Variants in ITPR2 observed in about 807,000 individuals in gnomAD.
ITPR2 encodes inositol 1,4,5-trisphosphate-gated calcium channel ITPR2.
A neutral mutation model predicts 317.1 loss-of-function variants in ITPR2; 207 were observed. That is an observed-to-expected ratio of 0.65 (90% CI 0.58 to 0.73). ITPR2 has a LOEUF of 0.73. Ranked by LOEUF, ITPR2 falls within the 30% of genes least tolerant of loss-of-function variation. ITPR2 has a pLI of 0.00. For missense variants in ITPR2, 2,613 were observed against 3,284.0 expected (o/e 0.80, Z 4.99); for synonymous variants, 1,156 against 1,149.1 (o/e 1.01, Z -0.12).
intron 32 of ITPR2, among the ~76,000 whole-genome samples, chr12:26,584,718 A>AT (rs1945480279): frequency 6.6e-6 from 1 of 152,098 alleles, no homozygotes. Context: ...GAATTTCTAC[A>AT]TTTTTTTAAC....
intron 45 of ITPR2, among the ~76,000 whole-genome samples, chr12:26,452,437 A>G (rs1258230767): frequency 1.3e-5 from 2 of 152,228 alleles, no homozygotes; most frequent in Admixed American, 6.5e-5. Context: ...ATTTTAAACA[A>G]TTGGTTATTT....
At chr12:26,733,740 T>C (rs1949067429) in intron 2 of ITPR2, among the ~76,000 whole-genome samples, 1 of 152,206 alleles carries the variant, frequency 6.6e-6, no homozygotes. Flanking sequence ...TCAGCATTGA[T>C]TGAGCAAGCC....
At chr12:26,439,387 T>C in intron 46 of ITPR2, 68 bp from the exon 47 acceptor site, 1 of 1,138,846 alleles carries the variant, frequency 8.8e-7, no homozygotes, top group Non-Finnish European at 1.2e-6. Flanking sequence ...CTTTTGTTTT[T>C]AACATGAGTT....
chr12:26,524,752 T>C (rs1205927081), intron 37 of ITPR2, among the ~76,000 whole-genome samples: 1 of 152,216 alleles, frequency 6.6e-6, no homozygotes, highest in Admixed American at 6.5e-5. Flanking sequence ...ATGACTTGTT[T>C]ATATCTCCAC....
At chr12:26,767,099 C>G (rs1280213708) in intron 2 of ITPR2, among the ~76,000 whole-genome samples, 1 of 152,086 alleles carries the variant, frequency 6.6e-6, no homozygotes, top group Non-Finnish European at 1.5e-5. Flanking sequence ...CTTTGTTGTT[C>G]TTACTGCTAC....
chr12:26,615,155 A>G (rs1333973672), intron 26 of ITPR2, among the ~76,000 whole-genome samples: 1 of 152,212 alleles, frequency 6.6e-6, no homozygotes, highest in Non-Finnish European at 1.5e-5. Flanking sequence ...ATAATCAAAG[A>G]TGATCAAAAA....
intron 1 of ITPR2, among the ~76,000 whole-genome samples, chr12:26,817,447 G>A (rs1950879002): frequency 6.6e-6 from 1 of 152,172 alleles, no homozygotes; most frequent in South Asian, 2.1e-4. Context: ...ACTAAACAAA[G>A]ATACTGTCCC....
At chr12:26,564,100 T>C (rs974461205) in intron 34 of ITPR2, among the ~76,000 whole-genome samples, 1 of 152,088 alleles carries the variant, frequency 6.6e-6, no homozygotes, top group Admixed American at 6.5e-5. Flanking sequence ...CTTGCATACA[T>C]AAACATGTGA....
At chr12:26,638,897 G>A (rs1369651920) in intron 21 of ITPR2, among the ~76,000 whole-genome samples, 1 of 152,138 alleles carries the variant, frequency 6.6e-6, no homozygotes, top group Non-Finnish European at 1.5e-5. Context: ...TACATGATGT[G>A]GGAAAATGTG....
chr12:26,719,214 G>T (rs897648243), intron 5 of ITPR2, among the ~76,000 whole-genome samples: 2 of 152,162 alleles, frequency 1.3e-5, no homozygotes, highest in African/African-American at 4.8e-5. Flanking sequence ...TACCTAATTA[G>T]ATAACTTAGC....
At chr12:26,468,851 T>C (rs1472720418) in intron 45 of ITPR2, among the ~76,000 whole-genome samples, 1 of 152,214 alleles carries the variant, frequency 6.6e-6, no homozygotes, top group African/African-American at 2.4e-5. Context: ...TTCAAATTAT[T>C]GTAGTTTATT....
intron 37 of ITPR2, among the ~76,000 whole-genome samples, chr12:26,518,985 A>C (rs1357321771): frequency 6.6e-6 from 1 of 152,150 alleles, no homozygotes; most frequent in Non-Finnish European, 1.5e-5. Context: ...TCAAAATTGA[A>C]CCCAAAAGAG....
rs555314178 is a variant in ITPR2, at chr12:26,675,388, T to C, written c.1409+6486A>G. ...AGCCATAAAAAATGATGAGTTCATG[T>C]CCTTTGTAGGGACATGGATGAAATT... On this transcript the variant is annotated intron_variant, in intron 13 of 56. Coordinates refer to ENST00000381340, the MANE Select transcript of ITPR2 (RefSeq NM_002223.4). Among the ~76,000 whole-genome samples, 229 of 152,360 alleles carry C rather than the reference T, an allele frequency of 1.5e-3. 1 individual carries two copies. Among genetic ancestry groups the C allele is most frequent in the African/African-American group, 5.1e-3 (214 of 41,584 alleles).
At chr12:26,461,715 C>CACAT (rs1565539805) in intron 45 of ITPR2, among the ~76,000 whole-genome samples, 1 of 141,682 alleles carries the variant, frequency 7.1e-6, no homozygotes, top group African/African-American at 2.8e-5. Flanking sequence ...CACACACACA[C>CACAT]ACATACATAT....
chr12:26,824,466 GA>G (rs1172018435), intron 1 of ITPR2, among the ~76,000 whole-genome samples: 5 of 151,820 alleles, frequency 3.3e-5, no homozygotes, highest in Admixed American at 2.0e-4. Flanking sequence ...TAATAACCAG[GA>G]AAAAAAATTT....
intron 45 of ITPR2, among the ~76,000 whole-genome samples, chr12:26,462,402 T>C (rs1028158869): frequency 2.0e-5 from 3 of 152,210 alleles, no homozygotes; most frequent in African/African-American, 4.8e-5. Flanking sequence ...ATAGTAGAGA[T>C]GTTGTTTCAT....
chr12:26,503,543 T>C (rs904192623), intron 37 of ITPR2, among the ~76,000 whole-genome samples: 8 of 152,192 alleles, frequency 5.3e-5, no homozygotes. Context: ...GCATTGGCAA[T>C]GACAATGCAC....
intron 14 of ITPR2, 122 bp from the exon 15 acceptor site, chr12:26,663,968 G>T: frequency 1.1e-6 from 1 of 914,622 alleles, no homozygotes; most frequent in Non-Finnish European, 1.6e-6. Flanking sequence ...TAGAGTAAAC[G>T]GGAAAAACAA....
intron 21 of ITPR2, among the ~76,000 whole-genome samples, chr12:26,634,429 A>C (rs928306756): frequency 7.2e-5 from 11 of 152,262 alleles, no homozygotes; most frequent in African/African-American, 2.7e-4. Flanking sequence ...GTTTTCAGTG[A>C]AAAAGCCTAC....
Sources: allele counts gnomAD v4.1 joint callset (sites outside exome capture counted in the v4.1 genomes callset), GRCh38; gene constraint gnomAD v4.1.1; transcripts MANE v1.5; gene names NCBI Gene and HGNC (gene_info 2026-07-23, HGNC 2026-07-21).